The following LRRC7 variants were observed in gnomAD, a reference collection of about 807,000 sequenced individuals.
The protein encoded by LRRC7 is leucine rich repeat containing 7, also known as leucine-rich repeat-containing protein 7.
A neutral mutation model predicts 175.7 loss-of-function variants in LRRC7; 23 were observed. The ratio of observed to expected loss-of-function variants is 0.13; its 90% CI spans 0.09 to 0.19. The LOEUF (loss-of-function observed/expected upper bound fraction) is 0.19, where lower values mean the gene tolerates loss of function less well. Ranked by LOEUF, LRRC7 falls within the 10% of genes least tolerant of loss-of-function variation. The pLI is 1.00. For synonymous variants in LRRC7, 685 were observed against 680.9 expected, an observed-to-expected ratio of 1.01 and a Z score of -0.09; for missense variants, 1,354 against 1,904.7, an observed-to-expected ratio of 0.71 and a Z score of 5.38.
intron 18 of LRRC7, among the ~76,000 whole-genome samples, chr1:70,031,981 T>G (rs1658782870): frequency 6.6e-6 from 1 of 152,094 alleles, no homozygotes; most frequent in African/African-American, 2.4e-5. Context: ...GTATTTTTAG[T>G]AGAGACAGTG....
intron 7 of LRRC7, among the ~76,000 whole-genome samples, chr1:69,903,183 G>A (rs559463122): frequency 1.3e-5 from 2 of 152,296 alleles, no homozygotes; most frequent in African/African-American, 4.8e-5. Context: ...AGAGAGCTGG[G>A]CAAGATGGTT....
intron 1 of LRRC7, among the ~76,000 whole-genome samples, chr1:69,590,757 T>G (rs534251473): frequency 6.6e-6 from 1 of 152,286 alleles, no homozygotes; most frequent in African/African-American, 2.4e-5. Flanking sequence ...TTTTAGATAG[T>G]CTCTGGTTCC....
chr1:69,919,824 T>C (rs576689686), intron 7 of LRRC7: 2 of 746,600 alleles, frequency 2.7e-6, no homozygotes, highest in South Asian at 3.5e-5. Flanking sequence ...ATCCACGTCA[T>C]TGTCCGCACG....
chr1:70,019,525 C>T (rs1657263175), intron 15 of LRRC7, among the ~76,000 whole-genome samples: 1 of 151,914 alleles, frequency 6.6e-6, no homozygotes, highest in Non-Finnish European at 1.5e-5. Flanking sequence ...GAAGAGTAAA[C>T]TTATTTTAAT....
In LRRC7 at chr1:70,038,995, A is replaced by G. The variant is rs2102027275; in HGVS notation, c.3171A>G (p.Gln1057=). ...TYGSSKGPQQ[Q]KASMTKKVYQ... is the part of the protein sequence containing the mutation. The stretch of plus-strand genomic sequence containing the variant: ...GAAGTAGTAAGGGGCCACAACAACA[A>G]AAAGCTTCTATGACAAAAAAAGTCT... Residue 1057 remains glutamine, a synonymous_variant, in exon 21 of 27, where the codon CAA becomes CAG. Coordinates refer to ENST00000651989, the MANE Select transcript of LRRC7 (RefSeq NM_001370785.2). The G allele has an allele frequency of 6.2e-7, 1 of 1,613,986 alleles. No individual in the cohort carries two copies. The highest frequency in any genetic ancestry group is 8.5e-7 in the Non-Finnish European group (1 of 1,179,968).
chr1:69,755,272 AATCTCTCACTTTCCTAATGC>A (rs902465748), intron 2 of LRRC7, among the ~76,000 whole-genome samples: 6 of 151,360 alleles, frequency 4.0e-5, no homozygotes, highest in African/African-American at 1.5e-4. Context: ...CATTGAAATG[AATCTCTCACTTTCCTAATGC>A]ATCTATTCTT....
intron 3 of LRRC7, among the ~76,000 whole-genome samples, chr1:69,779,677 T>C (rs1673255497): frequency 6.6e-6 from 1 of 152,238 alleles, no homozygotes; most frequent in Non-Finnish European, 1.5e-5. Context: ...AAAAGATCTG[T>C]ATTTTAAAAA....
intron 3 of LRRC7, among the ~76,000 whole-genome samples, chr1:69,790,539 G>C (rs907036976): frequency 6.6e-6 from 1 of 151,982 alleles, no homozygotes; most frequent in Non-Finnish European, 1.5e-5. Context: ...GATCAGACTA[G>C]AGAGTTGTTA....
At chr1:69,747,832 C>T (rs930154357) in intron 2 of LRRC7, among the ~76,000 whole-genome samples, 18 of 152,000 alleles carry the variant, frequency 1.2e-4, no homozygotes, top group Admixed American at 7.2e-4. Context: ...AAAATCATTC[C>T]GTTTTTAAAT....
chr1:69,578,859 G>T (rs1002642149), intron 1 of LRRC7, among the ~76,000 whole-genome samples: 1 of 150,444 alleles, frequency 6.6e-6, no homozygotes. Context: ...GAGTTAATGG[G>T]TGCAGCACAC....
chr1:70,062,015 A>T (rs1198867353), intron 23 of LRRC7, among the ~76,000 whole-genome samples: 1 of 152,150 alleles, frequency 6.6e-6, no homozygotes, highest in East Asian at 1.9e-4. Flanking sequence ...GATGAAAATT[A>T]TACCTTATAG....
At chr1:69,990,411 G>T (rs1654326784) in intron 10 of LRRC7, among the ~76,000 whole-genome samples, 1 of 151,882 alleles carries the variant, frequency 6.6e-6, no homozygotes, top group Non-Finnish European at 1.5e-5. Flanking sequence ...ATGCAATAAA[G>T]ATGTTATTTA....
chr1:69,570,142 G>A (rs919149020), intron 1 of LRRC7, among the ~76,000 whole-genome samples: 11 of 152,020 alleles, frequency 7.2e-5, no homozygotes, highest in Admixed American at 6.6e-4. Context: ...AAATTTCTAA[G>A]CACAATAGAG....
intron 7 of LRRC7, among the ~76,000 whole-genome samples, chr1:69,888,807 A>T (rs12759109): frequency 7.2e-5 from 11 of 151,908 alleles, no homozygotes; most frequent in Non-Finnish European, 1.3e-4. Context: ...AGCCCAAAGG[A>T]GACAAACTTG....
At chr1:69,585,924 TTCTTTTA>T (rs2100935205) in intron 1 of LRRC7, among the ~76,000 whole-genome samples, 1 of 152,338 alleles carries the variant, frequency 6.6e-6, no homozygotes, top group Admixed American at 6.5e-5. Context: ...CTGCTTTTGC[TTCTTTTA>T]TGTCATAGAC....
intron 7 of LRRC7, among the ~76,000 whole-genome samples, chr1:69,920,705 C>T (rs1013404187): frequency 2.6e-5 from 4 of 152,126 alleles, no homozygotes; most frequent in African/African-American, 7.2e-5. Flanking sequence ...GTCTTTAGCT[C>T]ATTATGGTTC....
intron 11 of LRRC7, among the ~76,000 whole-genome samples, chr1:69,997,683 G>C (rs1400888096): frequency 6.7e-6 from 1 of 149,390 alleles, no homozygotes; most frequent in African/African-American, 2.5e-5. Flanking sequence ...CTTTGGTTCT[G>C]TTTATATGCT....
At chr1:70,088,957 T>C (rs1193873358) in intron 24 of LRRC7, among the ~76,000 whole-genome samples, 1 of 152,188 alleles carries the variant, frequency 6.6e-6, no homozygotes, top group Non-Finnish European at 1.5e-5. Flanking sequence ...TGATTTGGGA[T>C]GTTGGGGAGG....
intron 1 of LRRC7, among the ~76,000 whole-genome samples, chr1:69,660,571 A>G (rs1182014098): frequency 6.6e-6 from 1 of 152,136 alleles, no homozygotes; most frequent in Admixed American, 6.6e-5. Context: ...TGCCAAGTGT[A>G]GGATTAACTG....
Sources: gnomAD v4.1 joint callset for allele counts (sites outside exome capture counted in the v4.1 genomes callset) on GRCh38, gnomAD v4.1.1 for gene constraint, MANE v1.5 for transcripts, NCBI Gene and HGNC (gene_info 2026-07-23, HGNC 2026-07-21) for gene names.